The following TP53BP1 variants were observed in gnomAD, a reference collection of about 807,000 sequenced individuals.
TP53BP1 encodes tumor protein p53 binding protein 1, also known as TP53-binding protein 1.
TP53BP1 carries 61 observed loss-of-function variants against 200.8 expected under a neutral mutation model. The observed-to-expected ratio is 0.30, with a 90% CI of 0.25 to 0.38. TP53BP1 has a LOEUF of 0.38. Among genes scored for constraint, TP53BP1 ranks in the 10% least tolerant of loss-of-function variants. TP53BP1 has a pLI of 1.00. For synonymous variants in TP53BP1, 822 were observed against 844.3 expected, an observed-to-expected ratio of 0.97 and a Z score of 0.46; for missense variants, 2,144 against 2,371.9, an observed-to-expected ratio of 0.90 and a Z score of 2.00.
chr15:43,496,272 T>G (rs2079182075), upstream of TP53BP1, among the ~76,000 whole-genome samples: 1 of 152,216 alleles, frequency 6.6e-6, no homozygotes, highest in Non-Finnish European at 1.5e-5. Flanking sequence ...TTTAAAGCCA[T>G]TTCCTCTCAT....
At chr15:43,415,417 T>TG (rs2045240604) in intron 23 of TP53BP1, 177 bp downstream of exon 23, 1 of 725,076 alleles carries the variant, frequency 1.4e-6, no homozygotes, top group African/African-American at 1.7e-5. Flanking sequence ...CTGTAGGGGA[T>TG]GGGGGAGGAG....
Position 43,403,916 on chromosome 15 carries a change from A to G in TP53BP1, c.*3467T>C. The G allele has an allele frequency of 1.4e-6, 1 of 717,142 alleles. No individual in the cohort carries two copies. Among genetic ancestry groups the G allele is most frequent in the Non-Finnish European group, 2.4e-6 (1 of 409,760 alleles). 44.4% of individuals were successfully genotyped at this position (717,142 alleles called of 1,614,324 possible). A position where few individuals can be genotyped will look rare whatever the true frequency, so the allele number is the denominator to read the frequency against. ...GCATTTCCTCAATACACACACGTACAGAGATAAGATACAAAGATAAAAATG... is the reference window on the plus strand; with the variant it reads ...GCATTTCCTCAATACACACACGTACGGAGATAAGATACAAAGATAAAAATG... On this transcript the variant is annotated 3_prime_UTR_variant, in exon 28 of 28. Transcript: ENST00000382044.
At chr15:43,487,330 G>GA (rs34088694) in intron 4 of TP53BP1, among the ~76,000 whole-genome samples, 1 of 151,790 alleles carries the variant, frequency 6.6e-6, no homozygotes, top group Non-Finnish European at 1.5e-5. Context: ...CAGTAAGGAT[G>GA]AAAAAAAATT....
chr15:43,403,220 G>A lies in TP53BP1; in HGVS notation c.*4163C>T, dbSNP rs2044730835. On this transcript the variant is annotated 3_prime_UTR_variant, in exon 28 of 28. Coordinates refer to ENST00000382044, the MANE Select transcript of TP53BP1 (RefSeq NM_001141980.3). ...TACAAAAATCAGTAACAACACAGAG[G>A]CCTGAACAATTGCCAAGTGGACAAC... The A allele has an allele frequency of 6.5e-6, 1 of 153,314 alleles. No individual in the cohort carries two copies. Among genetic ancestry groups the A allele is most frequent in the Admixed American group, 6.5e-5 (1 of 15,404 alleles). 9.5% of individuals were successfully genotyped at this position (153,314 alleles called of 1,614,324 possible). A position where few individuals can be genotyped will look rare whatever the true frequency, so the allele number is the denominator to read the frequency against.
chr15:43,419,929 A>G (rs2045355828), intron 21 of TP53BP1, among the ~76,000 whole-genome samples: 1 of 152,124 alleles, frequency 6.6e-6, no homozygotes, highest in Non-Finnish European at 1.5e-5. Flanking sequence ...TGAAATCCAA[A>G]TAAAGTCTAA....
At position 43,416,341 on chromosome 15, in the gene TP53BP1, T is replaced by C. The variant is rs763943980; in HGVS notation, c.4757A>G (p.Tyr1586Cys). Residue 1586 changes from tyrosine (Y) to cysteine (C), a missense_variant, in exon 22 of 28, where the codon TAT becomes TGT. By Grantham distance (194) the Tyr-to-Cys change is radical. Around this residue, in one of 4 missense-constraint regions of TP53BP1, gnomAD observed 61 missense variants for 147.5 expected, o/e 0.41. Coordinates refer to ENST00000382044, the MANE Select transcript of TP53BP1 (RefSeq NM_001141980.3). ...SIEKEGQRKWYKRMAVILSLE... is the reference protein window; with the variant it reads ...SIEKEGQRKWCKRMAVILSLE... ...GGACAGGATGACAGCCATTCGCTTA[T>C]ACCACTTTCTTTGGCCTTCTTTTTC... The C allele has an allele frequency of 2.5e-6, 4 of 1,614,128 alleles. No individual in the cohort carries two copies. Among genetic ancestry groups the C allele is most frequent in the Non-Finnish European group, 3.4e-6 (4 of 1,180,048 alleles).
At position 43,452,455 on chromosome 15, in the gene TP53BP1, C is replaced by T. The variant is rs541670519; in HGVS notation, c.2716+3437G>A. On this transcript the variant is annotated intron_variant, in intron 12 of 27. Coordinates refer to ENST00000382044, the MANE Select transcript of TP53BP1 (RefSeq NM_001141980.3). ...CGCCTGTAGTCCCGGCTTCTCGGGG[C>T]GGGGGGCTGAAGTGGGAGGATCACC... 7.9e-4 allele frequency among the ~76,000 whole-genome samples: 120 copies of T among 151,694 alleles called. 1 individual carries two copies. In the South Asian group the frequency reaches 0.015, roughly 19 times the overall value.
intron 11 of TP53BP1, among the ~76,000 whole-genome samples, chr15:43,460,648 G>A (rs2046408290): frequency 6.6e-6 from 1 of 152,028 alleles, no homozygotes; most frequent in African/African-American, 2.4e-5. Context: ...TTCAATGTCT[G>A]GTATTATTGT....
At chr15:43,418,180 TAAAA>T (rs757250428) in intron 21 of TP53BP1, among the ~76,000 whole-genome samples, 5 of 100,340 alleles carry the variant, frequency 5.0e-5, no homozygotes, top group Non-Finnish European at 9.9e-5. Flanking sequence ...GCTCTGTTTT[TAAAA>T]AAAAAAAAAA....
chr15:43,442,876 A>AGTGCAGT (rs1432159539), intron 14 of TP53BP1, among the ~76,000 whole-genome samples: 1 of 116,418 alleles, frequency 8.6e-6, no homozygotes, highest in East Asian at 2.9e-4. Context: ...CTCAGGCTGG[A>AGTGCAGT]GTGCAGTGGC....
chr15:43,500,020 C>T (rs2079201766), intron 1 of TP53BP1, among the ~76,000 whole-genome samples: 1 of 152,182 alleles, frequency 6.6e-6, no homozygotes, highest in Non-Finnish European at 1.5e-5. Context: ...TTTACTCTCA[C>T]TCCTTTCTTG....
intron 4 of TP53BP1, among the ~76,000 whole-genome samples, chr15:43,483,056 A>C (rs1352641034): frequency 6.6e-6 from 1 of 152,200 alleles, no homozygotes; most frequent in Non-Finnish European, 1.5e-5. Context: ...GAAAATCTGA[A>C]CTGTATACTT....
In TP53BP1 at chr15:43,415,745, G is replaced by A. The variant is rs1468843241; in HGVS notation, c.4938C>T (p.Ala1646=). 3.7e-6 allele frequency: 6 copies of A among 1,613,996 alleles called. No individual in the cohort carries two copies. The highest frequency in any genetic ancestry group is 5.1e-6 in the Non-Finnish European group (6 of 1,180,010). The part of the protein sequence containing the change: ...SNVSSPATPT[A]SSSSSTTPTR... ...TAGGGGTTGTGCTGCTGCTACTGGA[G>A]GCAGTAGGGGTGGCTGGGGAGCTGA... Residue 1646 remains alanine, a synonymous_variant, in exon 23 of 28, where the codon GCC becomes GCT. Coordinates refer to ENST00000382044, the MANE Select transcript of TP53BP1 (RefSeq NM_001141980.3).
chr15:43,457,268 T>C (rs1375345085), intron 11 of TP53BP1, 50 bp from the exon 12 acceptor site: 42 of 1,433,472 alleles, frequency 2.9e-5, no homozygotes, highest in Non-Finnish European at 3.9e-5. Flanking sequence ...TGATCATATA[T>C]CTTTTATATC....
At chr15:43,435,322 C>T (rs1393737746) in intron 16 of TP53BP1, among the ~76,000 whole-genome samples, 1 of 149,562 alleles carries the variant, frequency 6.7e-6, no homozygotes, top group Non-Finnish European at 1.5e-5. Flanking sequence ...GAATACATCT[C>T]CATATTTAAC....
In TP53BP1 at chr15:43,456,867, C is replaced by T; in HGVS notation, c.1741G>A (p.Glu581Lys). Residue 581 changes from glutamate (E) to lysine (K), a missense_variant, in exon 12 of 28, where the codon GAA becomes AAA. By Grantham distance (56) the Glu-to-Lys change is moderately conservative. Transcript: ENST00000382044. ...SILMNPAQDG[E>K]VQLSQNDDKT... ...TCATCATTCTGACTCAGTTGTACTT[C>T]ACCATCCTGTGCTGGATTCATCAGG... 4 of 1,614,060 alleles carry T rather than the reference C, an allele frequency of 2.5e-6. No homozygotes were observed. The highest frequency in any genetic ancestry group is 3.4e-6 in the Non-Finnish European group (4 of 1,180,052).
chr15:43,492,419 C>T lies in TP53BP1; in HGVS notation c.57G>A (p.Gln19=). Residue 19 remains glutamine, a synonymous_variant, in exon 2 of 28, where the codon CAG becomes CAA. Transcript: ENST00000382044. ...TGSQLDSDFS[Q]QDTPCLIIED... ...CAATTATCAGGCAAGGAGTATCTTG[C>T]TGAGAGAAATCTGAATCCAACTGAC... The T allele has an allele frequency of 6.2e-7, 1 of 1,614,058 alleles. No homozygotes were observed. The highest frequency in any genetic ancestry group is 8.5e-7 in the Non-Finnish European group (1 of 1,179,982).
intron 23 of TP53BP1, among the ~76,000 whole-genome samples, chr15:43,413,563 A>ATAGT (rs2045185337): frequency 6.6e-6 from 1 of 152,214 alleles, no homozygotes; most frequent in Non-Finnish European, 1.5e-5. Flanking sequence ...TAAATTTTAC[A>ATAGT]CAGTCATGAT....
At chr15:43,479,832 C>A (rs1242140177) in intron 6 of TP53BP1, 27 bp downstream of exon 6, 2 of 1,611,962 alleles carry the variant, frequency 1.2e-6, no homozygotes, top group South Asian at 1.1e-5. Context: ...CACAACAACT[C>A]CAAATGCCAG....
Sources: allele counts gnomAD v4.1 joint callset (sites outside exome capture counted in the v4.1 genomes callset), GRCh38; gene constraint gnomAD v4.1.1; regional missense constraint gnomAD v4.1.1; transcripts MANE v1.5; gene names NCBI Gene and HGNC (gene_info 2026-07-23, HGNC 2026-07-21).